Variants in TRPM3 observed in about 807,000 individuals in gnomAD.
TRPM3 encodes the protein long transient receptor potential channel 3.
TRPM3 carries 77 observed loss-of-function variants against 181.2 expected under a neutral mutation model. The observed-to-expected ratio is 0.42, with a 90% confidence interval of 0.35 to 0.51. The LOEUF (loss-of-function observed/expected upper bound fraction) is 0.51. Ranked by LOEUF, TRPM3 falls within the 20% of genes least tolerant of loss-of-function variation. The pLI is 0.01. For synonymous variants in TRPM3, 745 were observed against 796.4 expected (o/e 0.94, Z 1.09); for missense variants, 1,759 against 2,196.7 (o/e 0.80, Z 3.98).
chr9:70,923,606 G>A (rs1424968900), intron 1 of TRPM3, among the ~76,000 whole-genome samples: 1 of 151,942 alleles, frequency 6.6e-6, no homozygotes, highest in East Asian at 1.9e-4. Context: ...AGGGTCATGT[G>A]TCAGAAAATC....
intron 6 of TRPM3, among the ~76,000 whole-genome samples, chr9:70,798,118 G>A (rs925379717): frequency 1.6e-4 from 24 of 152,270 alleles, no homozygotes; most frequent in African/African-American, 5.5e-4. Context: ...GCAGTGGCAT[G>A]ATCTTGGCTC....
At chr9:71,185,820 C>A (rs541515946) in intron 1 of TRPM3, among the ~76,000 whole-genome samples, 14 of 151,996 alleles carry the variant, frequency 9.2e-5, no homozygotes, top group Non-Finnish European at 2.1e-4. Context: ...ATAGAATGGA[C>A]GTGTGCATGT....
intron 8 of TRPM3, among the ~76,000 whole-genome samples, chr9:70,682,292 A>T (rs1271958061): frequency 1.3e-5 from 2 of 152,168 alleles, no homozygotes; most frequent in African/African-American, 2.4e-5. Flanking sequence ...TATGTATTAC[A>T]TGAGGAAAGA....
At chr9:70,811,235 G>GTC in intron 6 of TRPM3, 2 of 1,609,988 alleles carry the variant, frequency 1.2e-6, no homozygotes, top group Non-Finnish European at 1.7e-6. Context: ...AGAGAAAAAC[G>GTC]GCAGGCATCC....
chr9:70,806,583 G>A (rs868528082), intron 6 of TRPM3, among the ~76,000 whole-genome samples: 1 of 152,014 alleles, frequency 6.6e-6, no homozygotes, highest in Non-Finnish European at 1.5e-5. Flanking sequence ...CCAGCTACTC[G>A]GGAGGCTGAG....
intron 6 of TRPM3, among the ~76,000 whole-genome samples, chr9:70,795,620 G>C (rs559886745): frequency 6.6e-6 from 1 of 152,114 alleles, no homozygotes; most frequent in Non-Finnish European, 1.5e-5. Context: ...ATCACGCCCC[G>C]AACGTCTTCC....
At chr9:70,798,925 C>A (rs1397297870) in intron 6 of TRPM3, among the ~76,000 whole-genome samples, 1 of 152,160 alleles carries the variant, frequency 6.6e-6, no homozygotes, top group Non-Finnish European at 1.5e-5. Flanking sequence ...TTCCATTTCA[C>A]CTGTCCATCT....
chr9:71,437,842 C>G (rs897205133), intron 1 of TRPM3, among the ~76,000 whole-genome samples: 1 of 146,346 alleles, frequency 6.8e-6, no homozygotes, highest in African/African-American at 2.5e-5. Flanking sequence ...CACTCCAGCC[C>G]GGGCAAAAGA....
At chr9:71,365,273 G>C (rs1459677689) in intron 1 of TRPM3, among the ~76,000 whole-genome samples, 1 of 152,158 alleles carries the variant, frequency 6.6e-6, no homozygotes, top group Non-Finnish European at 1.5e-5. Context: ...TGTTTTTGGT[G>C]AAGTTTCCCT....
rs185106377 is a variant in TRPM3 at position 71,005,506 on chromosome 9, A to G, written c.177+115672T>C. Among the ~76,000 whole-genome samples the G allele has an allele frequency of 2.6e-5, 4 of 152,318 alleles. 1 individual carries two copies. Among genetic ancestry groups the G allele is most frequent in the Admixed American group, 2.6e-4 (4 of 15,300 alleles). On this transcript the variant is annotated intron_variant, in intron 1 of 25. Transcript: ENST00000677713. ...CCATCAAATTAGCAAAAATCGAAGC[A>G]AAGAAAGAATATTTAAAAACCAGCA... is the stretch of plus-strand genomic sequence containing the variant.
intron 1 of TRPM3, among the ~76,000 whole-genome samples, chr9:70,998,899 C>T (rs1196341009): frequency 6.6e-6 from 1 of 152,170 alleles, no homozygotes; most frequent in South Asian, 2.1e-4. Flanking sequence ...ATCCCCTGCT[C>T]ACTCATCATT....
chr9:70,695,830 G>T (rs2070214523), intron 8 of TRPM3, among the ~76,000 whole-genome samples: 1 of 152,154 alleles, frequency 6.6e-6, no homozygotes, highest in South Asian at 2.1e-4. Flanking sequence ...CGCCGGAGAG[G>T]TTAGATACCA....
At chr9:70,785,014 C>T (rs1564276592) in intron 6 of TRPM3, among the ~76,000 whole-genome samples, 1 of 152,142 alleles carries the variant, frequency 6.6e-6, no homozygotes, top group Non-Finnish European at 1.5e-5. Context: ...GGCACGTCCA[C>T]CATGCTCAGC....
chr9:70,647,147 A>T (rs1281897230), intron 9 of TRPM3, among the ~76,000 whole-genome samples: 1 of 152,162 alleles, frequency 6.6e-6, no homozygotes, highest in Non-Finnish European at 1.5e-5. Context: ...TACTGAAAAT[A>T]TTCCAAAAAT....
chr9:70,865,681 C>T (rs2095634977), intron 1 of TRPM3, among the ~76,000 whole-genome samples: 1 of 152,058 alleles, frequency 6.6e-6, no homozygotes, highest in African/African-American at 2.4e-5. Flanking sequence ...GCACCTCCCT[C>T]TTCTCTCACA....
chr9:71,017,832 CCTAA>C (rs1011719726), intron 1 of TRPM3, among the ~76,000 whole-genome samples: 9 of 151,746 alleles, frequency 5.9e-5, no homozygotes, highest in Admixed American at 2.0e-4. Flanking sequence ...ACAGATTTGA[CCTAA>C]CTGACATACA....
chr9:70,610,586 A>G (rs1436707804), intron 19 of TRPM3, 23 bp downstream of exon 19: 1 of 1,607,984 alleles, frequency 6.2e-7, no homozygotes, highest in African/African-American at 1.3e-5. Context: ...TCCACTAGGA[A>G]GGAGAAAAGG....
intron 1 of TRPM3, among the ~76,000 whole-genome samples, chr9:71,079,122 G>A (rs991356062): frequency 1.3e-4 from 20 of 152,270 alleles, no homozygotes; most frequent in Admixed American, 3.9e-4. Flanking sequence ...TAGCTGTTGC[G>A]TTGAAGATTG....
In TRPM3 at chr9:71,121,314, G is replaced by A. The variant is rs926530582; in HGVS notation, c.41C>T (p.Ala14Val). The A allele has an allele frequency of 1.8e-5, 29 of 1,613,960 alleles. No homozygotes were observed. The highest frequency in any genetic ancestry group is 2.3e-5 in the Non-Finnish European group (27 of 1,179,990). ...GGAAAACAAGAAACTGAAAACCTGA[G>A]CAATGCCTAGAAAATAAACGGTCCC... ...PWGTVYFLGI[A>V]QVFSFLFSWW... The change falls in exon 1 of 26, where the codon GCT becomes GTT. Residue 14 changes from alanine to valine, a missense_variant. Physicochemically the swap from Ala to Val is moderately conservative, Grantham distance 64. Coordinates refer to ENST00000677713, the MANE Select transcript of TRPM3 (RefSeq NM_001366145.2).
Sources: allele counts gnomAD v4.1 joint callset (sites outside exome capture counted in the v4.1 genomes callset), GRCh38; gene constraint gnomAD v4.1.1; transcripts MANE v1.5; gene names NCBI Gene and HGNC (gene_info 2026-07-23, HGNC 2026-07-21).